The following FAM217A variants were observed in gnomAD, a reference collection of about 807,000 sequenced individuals.
FAM217A encodes the protein family with sequence similarity 217 member A.
A neutral mutation model predicts 18.5 loss-of-function variants in FAM217A; 13 were observed. The observed-to-expected ratio is 0.70, with a 90% CI of 0.46 to 1.12. The LOEUF is 1.12. Among genes scored for constraint, FAM217A ranks in the 50% most tolerant of loss-of-function variants. FAM217A has a pLI of 0.00. For missense variants in FAM217A, 560 were observed against 575.4 expected (o/e 0.97, Z 0.27); for synonymous variants, 161 against 202.8 (o/e 0.79, Z 1.75).
rs775159894 is a variant in FAM217A, at chr6:4,068,994, G to A, written c.1229C>T (p.Pro410Leu). Residue 410 changes from proline (P) to leucine (L), a missense_variant, in exon 7 of 7, where the codon CCA (proline) becomes CTA (leucine). Transcript: ENST00000274673. ...AGGTTTGAATGAGAGTTCTTGGCAT[G>A]GACTTAAAATAGAACTTTTGGGATT... ...DKNPKSSILS[P>L]CQELSFKPTI... 1 of 1,613,998 alleles carries A rather than the reference G, an allele frequency of 6.2e-7. No individual in the cohort carries two copies. Among genetic ancestry groups the A allele is most frequent in the Non-Finnish European group, 8.5e-7 (1 of 1,179,992 alleles).
In FAM217A at chr6:4,069,457, AAGG is replaced by A. The variant is rs1561919592; in HGVS notation, c.763_765del (p.Pro255del). 1.2e-6 allele frequency: 2 copies of A among 1,614,212 alleles called. No homozygotes were observed. The highest frequency in any genetic ancestry group is 1.7e-6 in the Non-Finnish European group (2 of 1,180,036). On this transcript the variant is annotated inframe_deletion, in exon 7 of 7. Transcript: ENST00000274673. Reference sequence around the variant, plus strand: ...AAATTGTGCAAGTCTAGAGCACTGAAAGGAGGAGGGAGAAAATCAGGATATGGA... The same window carrying A: ...AAATTGTGCAAGTCTAGAGCACTGAAAGGAGGGAGAAAATCAGGATATGGA...
chr6:4,074,370 T>A (rs76526703), intron 4 of FAM217A, 73 bp downstream of exon 4: 124,925 of 1,305,942 alleles, frequency 0.096, 6,783 homozygotes, highest in Non-Finnish European at 0.11. Context: ...AGGAAGAAAA[T>A]TTTTTTAAAG....
chr6:4,074,776 C>T (rs1238229932), intron 2 of FAM217A, 115 bp from the exon 3 acceptor site: 2 of 716,360 alleles, frequency 2.8e-6, no homozygotes, highest in Non-Finnish European at 4.8e-6. Context: ...TCATGACTCT[C>T]ACCCCTCATT....
chr6:4,085,334 T>G (rs1455626700), intron 1 of FAM217A, among the ~76,000 whole-genome samples: 3 of 146,114 alleles, frequency 2.1e-5, no homozygotes, highest in Admixed American at 7.0e-5. Context: ...ATATAAAATA[T>G]GTAAAAATAT....
At chr6:4,085,990 C>G (rs919115771) in intron 1 of FAM217A, among the ~76,000 whole-genome samples, 3 of 151,834 alleles carry the variant, frequency 2.0e-5, no homozygotes, top group African/African-American at 4.8e-5. Flanking sequence ...TGATGCACAC[C>G]TATAGACTCA....
chr6:4,084,621 C>T (rs924517043), exon 2 of FAM217A: 11 of 702,838 alleles, frequency 1.6e-5, no homozygotes, highest in African/African-American at 3.5e-5. Flanking sequence ...CCTTTCTGGT[C>T]GTCAGACCCC....
At chr6:4,080,854 C>A (rs991749568), upstream of FAM217A, among the ~76,000 whole-genome samples, 1 of 151,334 alleles carries the variant, frequency 6.6e-6, no homozygotes, top group Non-Finnish European at 1.5e-5. Context: ...CATTACACTT[C>A]TAACTCACAA....
chr6:4,069,575 G>T lies in FAM217A; in HGVS notation c.648C>A (p.Leu216=), dbSNP rs1235289765. 6.2e-7 allele frequency: 1 copy of T among 1,613,918 alleles called. No homozygotes were observed. The highest frequency in any genetic ancestry group is 1.1e-5 in the South Asian group (1 of 91,066). ...TCAGGTCCACCTTTTTAAAATAGCT[G>T]AGTAAAGTATCATTTGTCTTCTCAT... ...SENEKTNDTL[L]SYFKKVDLNL... The change falls in exon 7 of 7, where the codon CTC becomes CTA. Residue 216 remains leucine (L), a synonymous_variant. Transcript: ENST00000274673.
upstream of FAM217A, chr6:4,079,724 A>T: frequency 9.1e-7 from 1 of 1,093,646 alleles, no homozygotes; most frequent in Non-Finnish European, 1.2e-6. Context: ...ACGCATTGAT[A>T]CATGTGAAGT....
rs1435653007 is a variant in FAM217A, at chr6:4,068,590, T to C, written c.*106A>G. The C allele has an allele frequency of 2.2e-5, 28 of 1,272,046 alleles. No homozygotes were observed. Among genetic ancestry groups the C allele is most frequent in the Non-Finnish European group, 2.9e-5 (27 of 928,696 alleles). 78.8% of individuals were successfully genotyped at this position (1,272,046 alleles called of 1,614,324 possible). On this transcript the variant is annotated 3_prime_UTR_variant, in exon 7 of 7. Coordinates refer to ENST00000274673, the MANE Select transcript of FAM217A (RefSeq NM_173563.3). ...ATCACATCAAGCAACTGTTTGGTGA[T>C]TTTGGGGGACTGTTAATAGTACCTG...
upstream of FAM217A, chr6:4,087,167 A>G: frequency 2.1e-6 from 1 of 474,330 alleles, no homozygotes; most frequent in Non-Finnish European, 3.4e-6. Flanking sequence ...ACAAAGTACC[A>G]GATGGGAAAA....
chr6:4,081,821 C>T (rs1002315455), upstream of FAM217A, among the ~76,000 whole-genome samples: 10 of 152,196 alleles, frequency 6.6e-5, no homozygotes, highest in African/African-American at 7.2e-5. Context: ...CACATGCACA[C>T]GTGTGTGTAA....
intron 1 of FAM217A, among the ~76,000 whole-genome samples, chr6:4,085,170 C>T (rs1770565503): frequency 6.6e-6 from 1 of 152,144 alleles, no homozygotes; most frequent in Admixed American, 6.5e-5. Flanking sequence ...ATCAAGATCA[C>T]ACAGCTGGTT....
chr6:4,076,702 T>C (rs653431), intron 2 of FAM217A, among the ~76,000 whole-genome samples: 34,619 of 151,910 alleles, frequency 0.23, 4,300 homozygotes, highest in East Asian at 0.36. Context: ...AACATGTCGC[T>C]ACTAAAAATA....
At position 4,073,259 on chromosome 6, in the gene FAM217A, A is replaced by G; in HGVS notation, c.302+16T>C. The G allele has an allele frequency of 6.4e-7, 1 of 1,572,772 alleles. No homozygotes were observed. Among genetic ancestry groups the G allele is most frequent in the Non-Finnish European group, 8.6e-7 (1 of 1,159,244 alleles). On this transcript the variant is annotated intron_variant, in intron 6 of 6. Coordinates refer to ENST00000274673, the MANE Select transcript of FAM217A (RefSeq NM_173563.3). ...TTTCAGTAATTTAGGGTGTTACAAAATAACTACTCGCTTACCTCTTCTCTA... is the reference window on the plus strand; with the variant it reads ...TTTCAGTAATTTAGGGTGTTACAAAGTAACTACTCGCTTACCTCTTCTCTA...
chr6:4,073,605 T>G, intron 4 of FAM217A, 98 bp from the exon 5 acceptor site: 1 of 899,576 alleles, frequency 1.1e-6, no homozygotes, highest in Non-Finnish European at 1.7e-6. Flanking sequence ...GAATGTATGG[T>G]AAAACTGAAT....
At chr6:4,074,744 G>T in intron 2 of FAM217A, 83 bp from the exon 3 acceptor site, 1 of 1,050,360 alleles carries the variant, frequency 9.5e-7, no homozygotes, top group Non-Finnish European at 1.5e-6. Context: ...TTGGGGTAAA[G>T]TATGACGAAA....
At position 4,079,082 on chromosome 6, in the gene FAM217A, C is replaced by T. The variant is rs1445000869; in HGVS notation, c.-265G>A. ...CCGGCGCAGGGGTGGGAGTCGGGCC[C>T]GGGGCCCAGAGAGACCTTCCGGGGC... On this transcript the variant is annotated 5_prime_UTR_variant, in exon 1 of 7. Coordinates refer to ENST00000274673, the MANE Select transcript of FAM217A (RefSeq NM_173563.3). 4 of 357,532 alleles carry T rather than the reference C, an allele frequency of 1.1e-5. No homozygotes were observed. The highest frequency in any genetic ancestry group is 1.0e-5 in the Non-Finnish European group (2 of 200,386). The allele number at this position is 357,532 out of a possible 1,614,324, so 22.1% of individuals were successfully genotyped here.
At chr6:4,078,608 A>C (rs1418192791) in intron 1 of FAM217A, among the ~76,000 whole-genome samples, 1 of 152,170 alleles carries the variant, frequency 6.6e-6, no homozygotes, top group African/African-American at 2.4e-5. Context: ...CAGCTCCTGG[A>C]AAAGGCCACC....
Sources: gnomAD v4.1 joint callset for allele counts (sites outside exome capture counted in the v4.1 genomes callset) on GRCh38, gnomAD v4.1.1 for gene constraint, MANE v1.5 for transcripts, NCBI Gene and HGNC (gene_info 2026-07-23, HGNC 2026-07-21) for gene names.